Variants in LPP observed in about 807,000 individuals in gnomAD.
LPP encodes lipoma-preferred partner.
A neutral mutation model predicts 60.4 loss-of-function variants in LPP; 38 were observed. The observed-to-expected ratio is 0.63, with a 90% CI of 0.49 to 0.83. LPP has a LOEUF of 0.83. Among genes scored for constraint, LPP ranks in the 40% least tolerant of loss-of-function variants. LPP has a pLI of 0.00. For synonymous variants in LPP, 328 were observed against 290.8 expected, an observed-to-expected ratio of 1.13 and a Z score of -1.30; for missense variants, 902 against 783.6, an observed-to-expected ratio of 1.15 and a Z score of -1.80.
chr3:188,497,717 G>A (rs1810660239), intron 5 of LPP, among the ~76,000 whole-genome samples: 1 of 152,152 alleles, frequency 6.6e-6, no homozygotes. Flanking sequence ...GTTTTTCACT[G>A]TGCATGTTCA....
intron 7 of LPP, among the ~76,000 whole-genome samples, chr3:188,617,082 A>G (rs748763605): frequency 5.3e-5 from 8 of 152,120 alleles, no homozygotes; most frequent in Non-Finnish European, 1.0e-4. Context: ...TTTATGTTTG[A>G]AAGATTTGCT....
chr3:188,558,164 A>G (rs945630166), intron 6 of LPP, among the ~76,000 whole-genome samples: 1 of 152,080 alleles, frequency 6.6e-6, no homozygotes, highest in African/African-American at 2.4e-5. Flanking sequence ...TAACTCCCTC[A>G]TTCTGGATAA....
At chr3:188,801,013 G>C (rs997692679) in intron 9 of LPP, among the ~76,000 whole-genome samples, 2 of 152,132 alleles carry the variant, frequency 1.3e-5, no homozygotes, top group East Asian at 3.9e-4. Flanking sequence ...CTGGCTGGCA[G>C]AGCTCTCCAT....
chr3:188,789,485 T>C (rs1388754549), intron 9 of LPP, among the ~76,000 whole-genome samples: 5 of 152,214 alleles, frequency 3.3e-5, no homozygotes, highest in Non-Finnish European at 7.3e-5. Context: ...ACTTACCTCG[T>C]TCTGTCACAT....
intron 7 of LPP, among the ~76,000 whole-genome samples, chr3:188,624,262 G>A (rs1846349131): frequency 6.6e-6 from 1 of 152,140 alleles, no homozygotes; most frequent in African/African-American, 2.4e-5. Flanking sequence ...TATCACCGTT[G>A]AAGAGCTGAT....
chr3:188,374,203 T>G (rs968067004), intron 3 of LPP, among the ~76,000 whole-genome samples: 2 of 151,950 alleles, frequency 1.3e-5, no homozygotes, highest in African/African-American at 4.9e-5. Context: ...TGTTTTTTGG[T>G]TCCAGATGAA....
At chr3:188,538,079 A>C (rs1824127514) in intron 6 of LPP, among the ~76,000 whole-genome samples, 1 of 152,238 alleles carries the variant, frequency 6.6e-6, no homozygotes, top group African/African-American at 2.4e-5. Context: ...AGTGTAAGAC[A>C]CAAATGTAAA....
chr3:188,614,001 C>G (rs1844387724), intron 7 of LPP, among the ~76,000 whole-genome samples: 1 of 151,458 alleles, frequency 6.6e-6, no homozygotes, highest in Non-Finnish European at 1.5e-5. Flanking sequence ...GATCTCGGCT[C>G]ACTGCAACCT....
intron 7 of LPP, among the ~76,000 whole-genome samples, chr3:188,675,388 A>G (rs992947547): frequency 6.6e-6 from 1 of 152,224 alleles, no homozygotes; most frequent in Non-Finnish European, 1.5e-5. Flanking sequence ...TAGACCAAAC[A>G]AACAAACCAC....
intron 8 of LPP, among the ~76,000 whole-genome samples, chr3:188,729,888 G>T (rs972421293): frequency 4.6e-5 from 7 of 151,954 alleles, no homozygotes; most frequent in African/African-American, 1.7e-4. Flanking sequence ...GGACGTGGAG[G>T]TGGGAGGAGG....
intron 6 of LPP, among the ~76,000 whole-genome samples, chr3:188,548,589 C>T (rs1559812): frequency 0.43 from 65,845 of 151,928 alleles, 15,358 homozygotes; most frequent in East Asian, 0.92. Context: ...AGACTTCCTG[C>T]CTTCTTTTGG....
At chr3:188,608,050 C>G (rs532072190) in intron 6 of LPP, among the ~76,000 whole-genome samples, 5 of 151,990 alleles carry the variant, frequency 3.3e-5, no homozygotes, top group African/African-American at 1.2e-4. Context: ...CTCTCCCTGT[C>G]CCCCAGTCTG....
At chr3:188,342,115 G>T (rs1187771167) in intron 3 of LPP, among the ~76,000 whole-genome samples, 1 of 152,140 alleles carries the variant, frequency 6.6e-6, no homozygotes, top group African/African-American at 2.4e-5. Context: ...GCGCATTTTT[G>T]ACTACACTAT....
chr3:188,421,293 G>A (rs1196096973), intron 4 of LPP, among the ~76,000 whole-genome samples: 1 of 152,008 alleles, frequency 6.6e-6, no homozygotes, highest in Non-Finnish European at 1.5e-5. Flanking sequence ...CAGTGCAGTG[G>A]CCTATTTTAG....
At chr3:188,362,776 C>G (rs1029051469) in intron 3 of LPP, among the ~76,000 whole-genome samples, 2 of 152,146 alleles carry the variant, frequency 1.3e-5, no homozygotes, top group African/African-American at 4.8e-5. Context: ...TGTTAGAATA[C>G]GTCAGCTTCC....
rs546613968 is a variant in LPP at position 188,203,710 on chromosome 3, G to A, written c.-189-21695G>A. 2.0e-5 allele frequency among the ~76,000 whole-genome samples: 3 copies of A among 147,514 alleles called. No individual in the cohort carries two copies. The South Asian group carries it at 6.3e-4, about 31-fold the overall frequency. On this transcript the variant is annotated intron_variant, in intron 1 of 11. Coordinates refer to ENST00000617246, the MANE Select transcript of LPP (RefSeq NM_001375462.1). ...TGCCCAGGCTGGTCTCAAACTCCTA[G>A]GCTCAAGCAATCCTTCTGCCTTGGC...
intron 7 of LPP, among the ~76,000 whole-genome samples, chr3:188,658,660 C>T (rs148827395): frequency 5.8e-4 from 89 of 152,270 alleles, no homozygotes; most frequent in African/African-American, 2.0e-3. Flanking sequence ...ACAAAAGACA[C>T]GGATATGCCA....
At chr3:188,355,578 A>G (rs1274072702) in intron 3 of LPP, among the ~76,000 whole-genome samples, 1 of 152,186 alleles carries the variant, frequency 6.6e-6, no homozygotes, top group African/African-American at 2.4e-5. Context: ...GGTTTCGTGT[A>G]TTATAAAATG....
chr3:188,354,275 A>G (rs775068633), intron 3 of LPP, among the ~76,000 whole-genome samples: 4 of 152,206 alleles, frequency 2.6e-5, no homozygotes, highest in Non-Finnish European at 4.4e-5. Context: ...TCTGTAGTGA[A>G]TGTAACATCT....
Sources: allele counts gnomAD v4.1 joint callset (sites outside exome capture counted in the v4.1 genomes callset), GRCh38; gene constraint gnomAD v4.1.1; transcripts MANE v1.5; gene names NCBI Gene and HGNC (gene_info 2026-07-23, HGNC 2026-07-21).